MIPOL1: variants seen among roughly 807,000 people sequenced by gnomAD.
MIPOL1 encodes mirror-image polydactyly gene 1 protein.
Under a neutral mutation model 60.9 loss-of-function variants are expected in MIPOL1, and 57 were observed. That is an observed-to-expected ratio of 0.94 (90% CI 0.76 to 1.17). The LOEUF (loss-of-function observed/expected upper bound fraction) is 1.17, where lower values mean the gene tolerates loss of function less well. Ranked by LOEUF, MIPOL1 falls within the 50% of genes most tolerant of loss-of-function variation. The pLI is 0.00. For missense variants in MIPOL1, 551 were observed against 511.6 expected, an observed-to-expected ratio of 1.08 and a Z score of -0.74; for synonymous variants, 179 against 168.8, an observed-to-expected ratio of 1.06 and a Z score of -0.47.
At chr14:37,321,579 G>A (rs902226845) in intron 9 of MIPOL1, among the ~76,000 whole-genome samples, 1 of 151,884 alleles carries the variant, frequency 6.6e-6, no homozygotes, top group Non-Finnish European at 1.5e-5. Flanking sequence ...TATTGTCTCC[G>A]TATGTTATTT....
At chr14:37,252,889 T>G (rs1974332716) in intron 3 of MIPOL1, among the ~76,000 whole-genome samples, 1 of 151,848 alleles carries the variant, frequency 6.6e-6, no homozygotes, top group Admixed American at 6.6e-5. Context: ...AACTATTTTA[T>G]GTTTAAGGCG....
chr14:37,239,178 T>G (rs942790654), intron 1 of MIPOL1, among the ~76,000 whole-genome samples: 5 of 151,522 alleles, frequency 3.3e-5, no homozygotes, highest in African/African-American at 4.9e-5. Context: ...CCTGAGCAGC[T>G]GGGACTACAG....
intron 9 of MIPOL1, among the ~76,000 whole-genome samples, chr14:37,335,798 G>T (rs979557842): frequency 2.6e-5 from 4 of 151,846 alleles, no homozygotes; most frequent in African/African-American, 9.7e-5. Context: ...TGTATATTCT[G>T]GATTAAACTC....
chr14:37,462,172 T>A (rs950390253), intron 11 of MIPOL1, among the ~76,000 whole-genome samples: 2 of 152,202 alleles, frequency 1.3e-5, no homozygotes, highest in Non-Finnish European at 2.9e-5. Flanking sequence ...CAAACCTCAA[T>A]TCTTGACTTC....
At chr14:37,396,654 A>G (rs1232651533) in intron 10 of MIPOL1, among the ~76,000 whole-genome samples, 1 of 152,054 alleles carries the variant, frequency 6.6e-6, no homozygotes, top group Admixed American at 6.6e-5. Flanking sequence ...GCCTTCCTGG[A>G]GGCTTTGTTC....
intron 9 of MIPOL1, among the ~76,000 whole-genome samples, chr14:37,364,530 T>C (rs1336511627): frequency 6.6e-6 from 1 of 152,212 alleles, no homozygotes; most frequent in Non-Finnish European, 1.5e-5. Context: ...AAAAATTAGT[T>C]CACTGTAGGT....
chr14:37,281,046 G>C (rs1039563482), intron 6 of MIPOL1, among the ~76,000 whole-genome samples: 1 of 151,992 alleles, frequency 6.6e-6, no homozygotes, highest in Admixed American at 6.6e-5. Context: ...TACTTTCACT[G>C]CCTGTGCGTT....
intron 9 of MIPOL1, among the ~76,000 whole-genome samples, chr14:37,328,334 A>T (rs2153452090): frequency 6.6e-6 from 1 of 152,246 alleles, no homozygotes; most frequent in African/African-American, 2.4e-5. Context: ...TTCCATTAAA[A>T]TACGGGAAAG....
chr14:37,454,757 T>C (rs2094458425), intron 11 of MIPOL1, among the ~76,000 whole-genome samples: 1 of 152,226 alleles, frequency 6.6e-6, no homozygotes, highest in South Asian at 2.1e-4. Flanking sequence ...AAATAAAGTA[T>C]TGTCAAAGTA....
intron 1 of MIPOL1, among the ~76,000 whole-genome samples, chr14:37,239,147 A>G (rs1485469125): frequency 1.4e-5 from 2 of 148,002 alleles, no homozygotes; most frequent in Admixed American, 6.9e-5. Flanking sequence ...CCAGGTTCAC[A>G]CCTTTCTCCT....
At chr14:37,478,215 T>C (rs531973937) in intron 11 of MIPOL1, among the ~76,000 whole-genome samples, 1 of 152,168 alleles carries the variant, frequency 6.6e-6, no homozygotes, top group Non-Finnish European at 1.5e-5. Context: ...ACCTCAATCA[T>C]GTATTGAAAG....
At chr14:37,542,264 C>T (rs771974937) in intron 12 of MIPOL1, among the ~76,000 whole-genome samples, 2 of 152,138 alleles carry the variant, frequency 1.3e-5, no homozygotes, top group Non-Finnish European at 2.9e-5. Context: ...ACTTCTTTGA[C>T]CATTCTTTCT....
intron 9 of MIPOL1, among the ~76,000 whole-genome samples, chr14:37,363,085 T>A (rs2092337539): frequency 1.3e-5 from 2 of 152,190 alleles, no homozygotes. Context: ...AGTTTGTTAC[T>A]ACTGACCTTC....
intron 11 of MIPOL1, among the ~76,000 whole-genome samples, chr14:37,499,698 T>G (rs181567796): frequency 6.6e-6 from 1 of 152,326 alleles, no homozygotes; most frequent in Admixed American, 6.5e-5. Context: ...TATGCTTTGG[T>G]AGCATAATCA....
chr14:37,208,717 C>T (rs1833222137), intron 1 of MIPOL1, among the ~76,000 whole-genome samples: 2 of 152,166 alleles, frequency 1.3e-5, no homozygotes, highest in South Asian at 2.1e-4. Context: ...CCTCAGCCTC[C>T]TGCGTAGCTG....
rs372586902 is a variant in MIPOL1 at position 37,526,495 on chromosome 14, A to G, written c.1263-20410A>G. On this transcript the variant is annotated intron_variant, in intron 12 of 12. Transcript: ENST00000684589. ...CGCCATTCTCCTGCCTCAGCCCCCCAAGTAGCTGGGACTACAGGCGCCCGC... is the reference window on the plus strand; with the variant it reads ...CGCCATTCTCCTGCCTCAGCCCCCCGAGTAGCTGGGACTACAGGCGCCCGC... 1.1e-3 allele frequency among the ~76,000 whole-genome samples: 164 copies of G among 146,270 alleles called. 2 individuals are homozygous for G. The highest frequency in any genetic ancestry group is 3.9e-3 in the African/African-American group (154 of 39,480).
At chr14:37,247,295 T>C (rs1973334105) in intron 2 of MIPOL1, 55 bp downstream of exon 2, 1 of 152,516 alleles carries the variant, frequency 6.6e-6, no homozygotes, top group East Asian at 1.9e-4. Flanking sequence ...CATAGTGTTT[T>C]ATCATGTTTA....
chr14:37,541,489 C>T (rs1260630825), intron 12 of MIPOL1, among the ~76,000 whole-genome samples: 1 of 152,198 alleles, frequency 6.6e-6, no homozygotes, highest in East Asian at 1.9e-4. Flanking sequence ...AAAAATTATA[C>T]CACAATGATG....
chr14:37,536,263 C>G (rs2095505887), intron 12 of MIPOL1, among the ~76,000 whole-genome samples: 1 of 152,048 alleles, frequency 6.6e-6, no homozygotes, highest in African/African-American at 2.4e-5. Flanking sequence ...GTATATCCAG[C>G]CAATCATACC....
Sources: allele counts gnomAD v4.1 joint callset (sites outside exome capture counted in the v4.1 genomes callset), GRCh38; gene constraint gnomAD v4.1.1; transcripts MANE v1.5; gene names NCBI Gene and HGNC (gene_info 2026-07-23, HGNC 2026-07-21).